The following AUH variants were observed in gnomAD, a reference collection of about 807,000 sequenced individuals.
AUH encodes AU RNA binding methylglutaconyl-CoA hydratase.
In AUH, 29 loss-of-function variants were observed where a neutral mutation model predicts 42.3. That is an observed-to-expected ratio of 0.69 (90% confidence interval 0.51 to 0.93). The LOEUF (loss-of-function observed/expected upper bound fraction) is 0.93. AUH is among the 40% of genes least tolerant of loss of function. The pLI is 0.00. For synonymous variants in AUH, 174 were observed against 166.4 expected (o/e 1.05, Z -0.35); for missense variants, 452 against 438.1 (o/e 1.03, Z -0.28).
chr9:91,224,920 C>T (rs994702097), intron 6 of AUH, among the ~76,000 whole-genome samples: 2 of 152,094 alleles, frequency 1.3e-5, no homozygotes, highest in East Asian at 3.8e-4. Flanking sequence ...TTCTCAATTA[C>T]TAATGATACT....
At chr9:91,357,181 CCAATA>C (rs1374094420) in intron 1 of AUH, among the ~76,000 whole-genome samples, 1 of 152,120 alleles carries the variant, frequency 6.6e-6, no homozygotes, top group Non-Finnish European at 1.5e-5. Flanking sequence ...TGGGTAGGTC[CCAATA>C]CTACTGACAA....
chr9:91,273,219 T>G (rs1002316995), intron 6 of AUH, among the ~76,000 whole-genome samples: 2 of 152,156 alleles, frequency 1.3e-5, no homozygotes, highest in Non-Finnish European at 2.9e-5. Flanking sequence ...ACAAAGCTGC[T>G]GAAACTCAGC....
intron 6 of AUH, among the ~76,000 whole-genome samples, chr9:91,249,702 T>C (rs144137462): frequency 3.5e-4 from 54 of 152,274 alleles, no homozygotes; most frequent in African/African-American, 1.3e-3. Flanking sequence ...CAAAAAGGCT[T>C]TGCAATTGTT....
chr9:91,237,982 T>A (rs1828288517), intron 6 of AUH, among the ~76,000 whole-genome samples: 1 of 152,246 alleles, frequency 6.6e-6, no homozygotes, highest in Non-Finnish European at 1.5e-5. Context: ...GCACTGAGGA[T>A]GAGCATTACC....
chr9:91,353,615 G>A (rs367762785), intron 3 of AUH, among the ~76,000 whole-genome samples: 158 of 151,800 alleles, frequency 1.0e-3, no homozygotes, highest in Non-Finnish European at 1.6e-3. Flanking sequence ...CGAGGTGAGC[G>A]GATCACGAGG....
intron 3 of AUH, among the ~76,000 whole-genome samples, chr9:91,340,611 GAA>G: frequency 1.3e-5 from 2 of 152,106 alleles, no homozygotes; most frequent in South Asian, 4.1e-4. Flanking sequence ...CACTATCACT[GAA>G]CAAAATACTT....
At chr9:91,347,339 G>A (rs1189431420) in intron 3 of AUH, among the ~76,000 whole-genome samples, 1 of 152,120 alleles carries the variant, frequency 6.6e-6, no homozygotes, top group Non-Finnish European at 1.5e-5. Flanking sequence ...TTACAGGCAT[G>A]AGCCACCGTG....
chr9:91,225,915 GTA>G (rs1827436253), intron 6 of AUH, among the ~76,000 whole-genome samples: 1 of 151,190 alleles, frequency 6.6e-6, no homozygotes, highest in South Asian at 2.1e-4. Flanking sequence ...ATTCCATGGT[GTA>G]TATGTGCCAC....
chr9:91,262,677 G>C lies in AUH; in HGVS notation c.655+33344C>G, dbSNP rs532055923. ...TCCATTACGGTAACACTAAAGATTA[G>C]AAAACGAAGTCCCACAATTGGAGTG... is the stretch of plus-strand genomic sequence containing the variant. On this transcript the variant is annotated intron_variant, in intron 6 of 9. Transcript: ENST00000375731. Among the ~76,000 whole-genome samples the C allele has an allele frequency of 1.1e-4, 16 of 145,712 alleles. 1 individual carries two copies. In the South Asian group the frequency reaches 2.2e-3, roughly 20 times the overall value.
At chr9:91,312,500 G>A (rs867558499) in intron 4 of AUH, among the ~76,000 whole-genome samples, 17 of 152,184 alleles carry the variant, frequency 1.1e-4, no homozygotes, top group Middle Eastern at 3.2e-3. Context: ...GGCCAAGGTG[G>A]GGGTATCACT....
intron 6 of AUH, among the ~76,000 whole-genome samples, chr9:91,265,059 C>G (rs1487365117): frequency 6.6e-6 from 1 of 152,106 alleles, no homozygotes; most frequent in Non-Finnish European, 1.5e-5. Flanking sequence ...CCTCCGAGCA[C>G]TGAAATTTCA....
intron 4 of AUH, among the ~76,000 whole-genome samples, chr9:91,306,636 G>T (rs867900385): frequency 1.3e-5 from 2 of 150,614 alleles, no homozygotes; most frequent in Non-Finnish European, 3.0e-5. Context: ...TCTGAAGCAG[G>T]ATCTACATTT....
chr9:91,225,718 C>T (rs1827417541), intron 6 of AUH, among the ~76,000 whole-genome samples: 1 of 141,730 alleles, frequency 7.1e-6, no homozygotes. Context: ...CACCACACCA[C>T]AGTCCCCAGA....
At chr9:91,346,655 C>T (rs1250006512) in intron 3 of AUH, among the ~76,000 whole-genome samples, 1 of 152,034 alleles carries the variant, frequency 6.6e-6, no homozygotes, top group East Asian at 1.9e-4. Context: ...CAACATCAAG[C>T]GGGTATCCAA....
intron 6 of AUH, among the ~76,000 whole-genome samples, chr9:91,242,709 A>C (rs576999465): frequency 6.6e-6 from 1 of 152,332 alleles, no homozygotes; most frequent in South Asian, 2.1e-4. Context: ...GTTTTCATTA[A>C]ATGAGGGTTC....
intron 4 of AUH, among the ~76,000 whole-genome samples, chr9:91,310,119 G>A (rs927257421): frequency 2.6e-5 from 4 of 152,134 alleles, no homozygotes; most frequent in African/African-American, 7.2e-5. Flanking sequence ...ACTCCTGAGC[G>A]AGACCTTCCA....
intron 6 of AUH, among the ~76,000 whole-genome samples, chr9:91,226,270 G>A (rs1203717701): frequency 6.6e-6 from 1 of 150,476 alleles, no homozygotes; most frequent in Non-Finnish European, 1.5e-5. Flanking sequence ...GTATCTCATT[G>A]TGGTTCTGAT....
intron 4 of AUH, among the ~76,000 whole-genome samples, chr9:91,312,782 T>C (rs373393290): frequency 6.6e-6 from 1 of 151,848 alleles, no homozygotes. Context: ...CTGGAGTCAG[T>C]GTGAGCAGGC....
At chr9:91,333,061 T>C (rs1830446325) in intron 3 of AUH, among the ~76,000 whole-genome samples, 1 of 152,212 alleles carries the variant, frequency 6.6e-6, no homozygotes, top group African/African-American at 2.4e-5. Flanking sequence ...GCTGGTTTGT[T>C]TAACCTTCAG....
Sources: gnomAD v4.1 joint callset for allele counts (sites outside exome capture counted in the v4.1 genomes callset) on GRCh38, gnomAD v4.1.1 for gene constraint, MANE v1.5 for transcripts, NCBI Gene and HGNC (gene_info 2026-07-23, HGNC 2026-07-21) for gene names.